Variants in SLC13A1 observed in about 807,000 individuals in gnomAD.
SLC13A1 encodes solute carrier family 13 member 1, also known as Na(+)/sulfate cotransporter.
In SLC13A1, 65 loss-of-function variants were observed where a neutral mutation model predicts 70.0. The ratio of observed to expected loss-of-function variants is 0.93; its 90% CI spans 0.76 to 1.14. The LOEUF (loss-of-function observed/expected upper bound fraction) is 1.14, where lower values mean the gene tolerates loss of function less well. Among genes scored for constraint, SLC13A1 ranks in the 50% most tolerant of loss-of-function variants. The pLI is 0.00. For synonymous variants in SLC13A1, 275 were observed against 250.5 expected, an observed-to-expected ratio of 1.10 and a Z score of -0.92; for missense variants, 726 against 717.8, an observed-to-expected ratio of 1.01 and a Z score of -0.13.
At chr7:123,131,548 G>T (rs1181850121) in intron 8 of SLC13A1, among the ~76,000 whole-genome samples, 1 of 152,204 alleles carries the variant, frequency 6.6e-6, no homozygotes, top group Non-Finnish European at 1.5e-5. Context: ...GGCACTGACA[G>T]ATGAGCTCCT....
chr7:123,137,883 C>T (rs1794005356), intron 7 of SLC13A1, among the ~76,000 whole-genome samples: 1 of 152,004 alleles, frequency 6.6e-6, no homozygotes. Flanking sequence ...TGGGGTTATC[C>T]ATCCTCTCAA....
chr7:123,141,274 T>A (rs1353587413), intron 7 of SLC13A1, among the ~76,000 whole-genome samples: 1 of 152,152 alleles, frequency 6.6e-6, no homozygotes, highest in Non-Finnish European at 1.5e-5. Flanking sequence ...TTAGAGAAGA[T>A]GTTTGATATT....
At chr7:123,169,386 A>G (rs749739897) in intron 3 of SLC13A1, 51 bp from the exon 4 acceptor site, 2 of 1,511,566 alleles carry the variant, frequency 1.3e-6, no homozygotes, top group South Asian at 1.1e-5. Flanking sequence ...CTTAACTAGC[A>G]CCGTATTATT....
chr7:123,181,181 A>C (rs2116616831), intron 1 of SLC13A1, 80 bp from the exon 2 acceptor site: 1 of 1,442,998 alleles, frequency 6.9e-7, no homozygotes, highest in East Asian at 2.4e-5. Context: ...ATGTTTGCTT[A>C]ATAGAGCCAT....
At chr7:123,173,866 A>T (rs1321994059) in intron 2 of SLC13A1, among the ~76,000 whole-genome samples, 1 of 151,770 alleles carries the variant, frequency 6.6e-6, no homozygotes, top group Non-Finnish European at 1.5e-5. Flanking sequence ...CCAATTTTCT[A>T]CACTCTGTCC....
At chr7:123,134,021 GTTT>G (rs908465289) in intron 8 of SLC13A1, among the ~76,000 whole-genome samples, 1 of 151,280 alleles carries the variant, frequency 6.6e-6, no homozygotes, top group African/African-American at 2.4e-5. Context: ...TAGGGGGGAG[GTTT>G]TTTTTGTTGT....
At position 123,114,518 on chromosome 7, in the gene SLC13A1, C is replaced by T. The variant is rs1451147021; in HGVS notation, c.*1000G>A. ...CAGTTTTCATTCTTATTCTTTTTTC[C>T]TTCTTTTTTTCATTTTTTCATTGCA... is the stretch of plus-strand genomic sequence containing the variant. On this transcript the variant is annotated 3_prime_UTR_variant, in exon 15 of 15. Transcript: ENST00000194130. The T allele has an allele frequency of 2.7e-5, 4 of 149,786 alleles. No homozygotes were observed. Among genetic ancestry groups the T allele is most frequent in the African/African-American group, 7.4e-5 (3 of 40,710 alleles). 9.3% of individuals were successfully genotyped at this position (149,786 alleles called of 1,614,324 possible).
intron 6 of SLC13A1, chr7:123,149,403 A>G (rs1057484363): frequency 7.8e-5 from 35 of 448,882 alleles, no homozygotes; most frequent in African/African-American, 5.8e-4. Flanking sequence ...GGTGGTAGAT[A>G]GCAAGTTCTC....
At chr7:123,181,905 CT>C (rs1795654699) in intron 1 of SLC13A1, among the ~76,000 whole-genome samples, 1 of 152,066 alleles carries the variant, frequency 6.6e-6, no homozygotes, top group Admixed American at 6.6e-5. Context: ...TTTACAAAAA[CT>C]GCTGTTTAGG....
At chr7:123,145,493 A>T (rs1794319665) in intron 7 of SLC13A1, among the ~76,000 whole-genome samples, 1 of 152,230 alleles carries the variant, frequency 6.6e-6, no homozygotes, top group Non-Finnish European at 1.5e-5. Flanking sequence ...TGGATATTAG[A>T]AAAAGAAATT....
intron 12 of SLC13A1, among the ~76,000 whole-genome samples, chr7:123,120,408 T>G (rs1015165965): frequency 1.8e-4 from 27 of 152,214 alleles, no homozygotes; most frequent in African/African-American, 6.3e-4. Flanking sequence ...CCATTTCCTG[T>G]GGTTTCCAGT....
chr7:123,121,663 C>T (rs915905516), intron 12 of SLC13A1, among the ~76,000 whole-genome samples: 1 of 152,072 alleles, frequency 6.6e-6, no homozygotes, highest in African/African-American at 2.4e-5. Flanking sequence ...AACTGTCTAT[C>T]TGCTCATGAG....
intron 2 of SLC13A1, among the ~76,000 whole-genome samples, chr7:123,179,725 A>G (rs1218321369): frequency 6.6e-6 from 1 of 152,098 alleles, no homozygotes; most frequent in Non-Finnish European, 1.5e-5. Context: ...GAGTCCAGTG[A>G]ATCTCACTTC....
At position 123,169,184 on chromosome 7, in the gene SLC13A1, A is replaced by C; in HGVS notation, c.517T>G (p.Phe173Val). Residue 173 changes from phenylalanine (F) to valine (V), a missense_variant, in exon 4 of 15, where the codon TTC becomes GTC. Coordinates refer to ENST00000194130, the MANE Select transcript of SLC13A1 (RefSeq NM_022444.4). ...AGTCCGTGGTTGGTTGATCCGTTGA[A>C]GTAAGTCATCTGAGTGGCCTCGACC... ...AEVEATQMTYFNGSTNHGLEI... is the reference protein window; with the variant it reads ...AEVEATQMTYVNGSTNHGLEI... The C allele has an allele frequency of 6.2e-7, 1 of 1,614,078 alleles. No homozygotes were observed. The highest frequency in any genetic ancestry group is 8.5e-7 in the Non-Finnish European group (1 of 1,179,978).
intron 6 of SLC13A1, among the ~76,000 whole-genome samples, chr7:123,156,453 A>C (rs1008123542): frequency 1.3e-5 from 2 of 152,110 alleles, no homozygotes; most frequent in Non-Finnish European, 2.9e-5. Context: ...TTCGTGGTCC[A>C]TATGTTGGTA....
intron 8 of SLC13A1, among the ~76,000 whole-genome samples, chr7:123,130,357 A>G (rs1228437427): frequency 6.6e-6 from 1 of 152,224 alleles, no homozygotes; most frequent in Non-Finnish European, 1.5e-5. Context: ...AATGTGGTAC[A>G]TATACACTAT....
chr7:123,178,500 A>G (rs1795531133), intron 2 of SLC13A1, among the ~76,000 whole-genome samples: 2 of 152,166 alleles, frequency 1.3e-5, no homozygotes, highest in Non-Finnish European at 2.9e-5. Flanking sequence ...TTTAACATAC[A>G]TTATTTAATT....
At chr7:123,185,327 T>C (rs1043944913) in intron 1 of SLC13A1, among the ~76,000 whole-genome samples, 1 of 152,132 alleles carries the variant, frequency 6.6e-6, no homozygotes, top group Non-Finnish European at 1.5e-5. Context: ...TGCTGTGCTT[T>C]TGAGGTCATA....
At chr7:123,136,320 G>A (rs886109784) in intron 7 of SLC13A1, among the ~76,000 whole-genome samples, 2 of 152,150 alleles carry the variant, frequency 1.3e-5, no homozygotes, top group African/African-American at 2.4e-5. Context: ...GTTTTGTTTA[G>A]TTTAATAGTA....
Sources: gnomAD v4.1 joint callset for allele counts (sites outside exome capture counted in the v4.1 genomes callset) on GRCh38, gnomAD v4.1.1 for gene constraint, MANE v1.5 for transcripts, NCBI Gene and HGNC (gene_info 2026-07-23, HGNC 2026-07-21) for gene names.